EPB41L4A: variants seen among roughly 807,000 people sequenced by gnomAD.
The protein encoded by EPB41L4A is erythrocyte membrane protein band 4.1 like 4A, also known as band 4.1-like protein 4A.
A neutral mutation model predicts 108.6 loss-of-function variants in EPB41L4A; 100 were observed. The observed-to-expected ratio is 0.92, with a 90% CI of 0.78 to 1.09. The LOEUF (loss-of-function observed/expected upper bound fraction) is 1.09, where lower values mean the gene tolerates loss of function less well. Among genes scored for constraint, EPB41L4A ranks in the 50% least tolerant of loss-of-function variants. The pLI is 0.00. For synonymous variants in EPB41L4A, 319 were observed against 289.0 expected, an observed-to-expected ratio of 1.10 and a Z score of -1.05; for missense variants, 1,030 against 842.7, an observed-to-expected ratio of 1.22 and a Z score of -2.75.
intron 1 of EPB41L4A, among the ~76,000 whole-genome samples, chr5:112,391,118 A>C (rs1760904072): frequency 6.6e-6 from 1 of 152,238 alleles, no homozygotes; most frequent in Non-Finnish European, 1.5e-5. Context: ...GATGGGGAGA[A>C]ACCAGAGTAA....
chr5:112,207,928 T>C (rs1325782152), intron 13 of EPB41L4A, among the ~76,000 whole-genome samples: 2 of 151,986 alleles, frequency 1.3e-5, no homozygotes, highest in Non-Finnish European at 2.9e-5. Context: ...GGATATATAC[T>C]CAAAGGGAAA....
chr5:112,354,080 CTGACTT>C (rs1370890618), intron 1 of EPB41L4A, among the ~76,000 whole-genome samples: 1 of 152,182 alleles, frequency 6.6e-6, no homozygotes, highest in Non-Finnish European at 1.5e-5. Context: ...TTTGAGTTGT[CTGACTT>C]TGAGCAAATA....
intron 3 of EPB41L4A, among the ~76,000 whole-genome samples, chr5:112,277,330 C>T (rs1752685032): frequency 6.6e-6 from 1 of 152,168 alleles, no homozygotes; most frequent in African/African-American, 2.4e-5. Context: ...TTCAAATGTT[C>T]AGTATGAACA....
chr5:112,395,319 T>C (rs1761256189), intron 1 of EPB41L4A, among the ~76,000 whole-genome samples: 1 of 152,120 alleles, frequency 6.6e-6, no homozygotes. Flanking sequence ...ACCTACAGAA[T>C]GGGAGAAAAT....
chr5:112,176,246 A>C (rs979051013), intron 18 of EPB41L4A, among the ~76,000 whole-genome samples: 1 of 152,212 alleles, frequency 6.6e-6, no homozygotes, highest in Non-Finnish European at 1.5e-5. Flanking sequence ...TCCAGAATGC[A>C]AACAACAGCA....
chr5:112,316,623 A>T (rs889587176), intron 1 of EPB41L4A, among the ~76,000 whole-genome samples: 1 of 152,188 alleles, frequency 6.6e-6, no homozygotes, highest in African/African-American at 2.4e-5. Flanking sequence ...GGTGCAATTA[A>T]TATTTATATT....
intron 12 of EPB41L4A, among the ~76,000 whole-genome samples, chr5:112,222,185 G>A (rs4958017): frequency 0.97 from 147,359 of 152,346 alleles, 71,486 homozygotes; most frequent in East Asian, 1. Context: ...CTTCTCAAGA[G>A]TATTTGTTGA....
At chr5:112,243,034 C>T (rs777656555) in intron 9 of EPB41L4A, among the ~76,000 whole-genome samples, 2 of 151,780 alleles carry the variant, frequency 1.3e-5, no homozygotes, top group Admixed American at 6.6e-5. Flanking sequence ...GCCAACATGG[C>T]GAAACCACAT....
rs1404538109 is a variant in EPB41L4A at position 112,383,094 on chromosome 5, G to A, written c.99+35847C>T. Among the ~76,000 whole-genome samples the A allele has an allele frequency of 2.0e-5, 3 of 152,278 alleles. No individual in the cohort carries two copies. The East Asian group carries it at 5.8e-4, about 29-fold the overall frequency. ...GAGGATCCTCAGAAGTGCATGTGAA[G>A]GGTTAGATGAATACTCTCCAGTCAT... is the stretch of plus-strand genomic sequence containing the variant. On this transcript the variant is annotated intron_variant, in intron 1 of 22. Transcript: ENST00000261486.
At chr5:112,347,137 C>T (rs1057379737) in intron 1 of EPB41L4A, among the ~76,000 whole-genome samples, 11 of 152,204 alleles carry the variant, frequency 7.2e-5, no homozygotes, top group African/African-American at 2.7e-4. Context: ...GCAGTATCAG[C>T]TAACCACAAA....
At chr5:112,147,048 A>G (rs1370966755) in intron 12 of EPB41L4A, among the ~76,000 whole-genome samples, 2 of 152,230 alleles carry the variant, frequency 1.3e-5, no homozygotes, top group Non-Finnish European at 2.9e-5. Context: ...TTAAAGTGTA[A>G]TCCTGTAATG....
chr5:112,159,154 G>A (rs1262012157), downstream of EPB41L4A, among the ~76,000 whole-genome samples: 1 of 149,910 alleles, frequency 6.7e-6, no homozygotes, highest in Non-Finnish European at 1.5e-5. Context: ...CCACTGGGCT[G>A]TGAGCCTGAA....
chr5:112,187,291 A>G (rs1189436666), intron 17 of EPB41L4A, among the ~76,000 whole-genome samples: 1 of 152,188 alleles, frequency 6.6e-6, no homozygotes, highest in African/African-American at 2.4e-5. Flanking sequence ...CATTTATCCT[A>G]TTTTGTCAAT....
intron 18 of EPB41L4A, among the ~76,000 whole-genome samples, chr5:112,171,493 GC>G (rs1266120458): frequency 6.6e-6 from 1 of 152,182 alleles, no homozygotes; most frequent in Non-Finnish European, 1.5e-5. Flanking sequence ...ATCTGGTGTT[GC>G]ATTTCTGCAA....
At chr5:112,252,526 G>C (rs1280078869) in intron 9 of EPB41L4A, among the ~76,000 whole-genome samples, 1 of 152,190 alleles carries the variant, frequency 6.6e-6, no homozygotes, top group Non-Finnish European at 1.5e-5. Context: ...GCAGGAGTCA[G>C]ATTGAAAGGG....
At chr5:112,142,902 G>A (rs760694242) in exon 14 of EPB41L4A, 1 of 152,138 alleles carries the variant, frequency 6.6e-6, no homozygotes. Flanking sequence ...CCTTGAAACT[G>A]GGCCAAGAAA....
At chr5:112,335,374 G>C (rs1756851068) in intron 1 of EPB41L4A, among the ~76,000 whole-genome samples, 1 of 152,150 alleles carries the variant, frequency 6.6e-6, no homozygotes, top group African/African-American at 2.4e-5. Context: ...ACCTAATGTA[G>C]ATGTATAAGC....
intron 1 of EPB41L4A, among the ~76,000 whole-genome samples, chr5:112,363,880 C>T (rs955883049): frequency 1.3e-5 from 2 of 152,150 alleles, no homozygotes; most frequent in African/African-American, 4.8e-5. Context: ...CCATTCATGC[C>T]ATATTTTCAT....
At chr5:112,377,576 C>CTCAACCAAT (rs1759897882) in intron 1 of EPB41L4A, among the ~76,000 whole-genome samples, 1 of 152,172 alleles carries the variant, frequency 6.6e-6, no homozygotes, top group East Asian at 1.9e-4. Context: ...GGCCCAGCAA[C>CTCAACCAAT]TCAACCAATT....
Sources: gnomAD v4.1 joint callset for allele counts (sites outside exome capture counted in the v4.1 genomes callset) on GRCh38, gnomAD v4.1.1 for gene constraint, MANE v1.5 for transcripts, NCBI Gene and HGNC (gene_info 2026-07-23, HGNC 2026-07-21) for gene names.